Variants in SHLD1 observed in about 807,000 individuals in gnomAD.
SHLD1 encodes the protein RINN1-REV7-interacting novel NHEJ regulator 3.
In SHLD1, 3 loss-of-function variants were observed where a neutral mutation model predicts 5.5. That is an observed-to-expected ratio of 0.54 (90% CI 0.25 to 1.40). The LOEUF (loss-of-function observed/expected upper bound fraction) is 1.40. Among genes scored for constraint, SHLD1 ranks in the 40% most tolerant of loss-of-function variants. The pLI is 0.15. For synonymous variants in SHLD1, 92 were observed against 94.3 expected (o/e 0.98, Z 0.14); for missense variants, 210 against 244.4 (o/e 0.86, Z 0.94).
chr20:5,759,281 T>G (rs1283780856), intron 1 of SHLD1, among the ~76,000 whole-genome samples: 1 of 150,490 alleles, frequency 6.6e-6, no homozygotes, highest in Non-Finnish European at 1.5e-5. Flanking sequence ...ATTTTTTTTT[T>G]GAAAGTCTTG....
At chr20:5,826,906 TC>T (rs57312505) in intron 2 of SHLD1, among the ~76,000 whole-genome samples, 5 of 149,048 alleles carry the variant, frequency 3.4e-5, no homozygotes, top group Non-Finnish European at 7.4e-5. Flanking sequence ...CTCCCTCATA[TC>T]CCCCCCTTCA....
intron 2 of SHLD1, among the ~76,000 whole-genome samples, chr20:5,826,763 T>C (rs2087670301): frequency 1.3e-5 from 2 of 152,222 alleles, no homozygotes; most frequent in Non-Finnish European, 2.9e-5. Flanking sequence ...CTCAGTTTCC[T>C]CATCTGTTAA....
chr20:5,780,317 C>T (rs1234822086), intron 2 of SHLD1, among the ~76,000 whole-genome samples: 2 of 152,092 alleles, frequency 1.3e-5, no homozygotes, highest in African/African-American at 4.8e-5. Flanking sequence ...TTATCAAATT[C>T]TTCAGTCAAA....
intron 2 of SHLD1, among the ~76,000 whole-genome samples, chr20:5,831,560 C>G (rs1451300719): frequency 6.6e-6 from 1 of 152,060 alleles, no homozygotes; most frequent in African/African-American, 2.4e-5. Flanking sequence ...TGGTGACTGG[C>G]CGGCAAACAT....
At chr20:5,809,525 A>G (rs1242323082) in intron 2 of SHLD1, among the ~76,000 whole-genome samples, 2 of 152,072 alleles carry the variant, frequency 1.3e-5, no homozygotes, top group African/African-American at 4.8e-5. Flanking sequence ...ACCAAAAACA[A>G]CCAATACAGT....
At chr20:5,828,248 T>C (rs1241715777) in intron 2 of SHLD1, among the ~76,000 whole-genome samples, 2 of 152,208 alleles carry the variant, frequency 1.3e-5, no homozygotes, top group African/African-American at 4.8e-5. Context: ...CCTCCTCTTC[T>C]AGATCTTTAA....
intron 1 of SHLD1, among the ~76,000 whole-genome samples, chr20:5,764,504 G>A (rs1184770022): frequency 7.1e-6 from 1 of 141,642 alleles, no homozygotes; most frequent in Non-Finnish European, 1.5e-5. Flanking sequence ...GACCAGCCTG[G>A]GCAATATAGT....
intron 2 of SHLD1, among the ~76,000 whole-genome samples, chr20:5,803,426 C>A (rs1167896922): frequency 6.6e-6 from 1 of 152,160 alleles, no homozygotes; most frequent in Non-Finnish European, 1.5e-5. Flanking sequence ...GTCTCAGCCT[C>A]CCAAAGCATT....
chr20:5,858,318 C>T (rs972548156), intron 2 of SHLD1, among the ~76,000 whole-genome samples: 3 of 152,050 alleles, frequency 2.0e-5, no homozygotes, highest in Non-Finnish European at 4.4e-5. Context: ...AAATGTTTCA[C>T]GGAGATGAAA....
intron 1 of SHLD1, among the ~76,000 whole-genome samples, chr20:5,768,493 G>A (rs1224768240): frequency 1.3e-5 from 2 of 152,244 alleles, no homozygotes; most frequent in Non-Finnish European, 2.9e-5. Context: ...CAAACTAGGA[G>A]GGAAGGGTCT....
intron 1 of SHLD1, among the ~76,000 whole-genome samples, chr20:5,764,666 T>C (rs1407628469): frequency 6.6e-6 from 1 of 151,914 alleles, no homozygotes; most frequent in Non-Finnish European, 1.5e-5. Context: ...ACCACTGCAC[T>C]CCAGCCTGGG....
At chr20:5,830,736 C>T (rs183322212) in intron 2 of SHLD1, among the ~76,000 whole-genome samples, 1 of 149,306 alleles carries the variant, frequency 6.7e-6, no homozygotes, top group African/African-American at 2.5e-5. Context: ...GGTGGTAAGT[C>T]TTAGAAGGTA....
chr20:5,794,266 G>T (rs1412914723), intron 2 of SHLD1, among the ~76,000 whole-genome samples: 8 of 152,194 alleles, frequency 5.3e-5, no homozygotes, highest in Non-Finnish European at 1.0e-4. Context: ...GACACCTGGA[G>T]CTGAGTAGAC....
chr20:5,807,090 C>T (rs1423874759), intron 2 of SHLD1, among the ~76,000 whole-genome samples: 2 of 152,202 alleles, frequency 1.3e-5, no homozygotes, highest in East Asian at 3.9e-4. Flanking sequence ...GTGGCCTTTG[C>T]CTGGTACGCC....
Position 5,801,412 on chromosome 20 carries a change from G to A in SHLD1, c.178+28369G>A, listed in dbSNP as rs191005873. Among the ~76,000 whole-genome samples the A allele has an allele frequency of 2.3e-4, 35 of 152,232 alleles. 1 individual carries two copies. In the East Asian group the frequency reaches 3.7e-3, roughly 16 times the overall value. The stretch of plus-strand genomic sequence containing the variant: ...TTGAATGTTGCTATTGCCTTACAGA[G>A]GCAAAAAGAGAACTCCGAAGGGCTT... On this transcript the variant is annotated intron_variant, in intron 2 of 2. Coordinates refer to ENST00000303142, the MANE Select transcript of SHLD1 (RefSeq NM_152504.4).
intron 2 of SHLD1, among the ~76,000 whole-genome samples, chr20:5,796,538 G>T (rs1041400645): frequency 2.0e-5 from 3 of 151,920 alleles, no homozygotes; most frequent in Non-Finnish European, 2.9e-5. Flanking sequence ...AGAAAGGGGG[G>T]AGATGAGGCC....
chr20:5,851,919 G>A (rs1182072525), intron 2 of SHLD1, among the ~76,000 whole-genome samples: 1 of 151,796 alleles, frequency 6.6e-6, no homozygotes, highest in East Asian at 1.9e-4. Context: ...TGGGCCATGA[G>A]GGTGGATCCC....
intron 2 of SHLD1, among the ~76,000 whole-genome samples, chr20:5,791,088 A>G (rs1382860456): frequency 1.3e-5 from 2 of 152,044 alleles, no homozygotes; most frequent in African/African-American, 4.8e-5. Flanking sequence ...GCCTGATCCC[A>G]GGAGTTCAAA....
At chr20:5,794,472 A>G (rs987897076) in intron 2 of SHLD1, among the ~76,000 whole-genome samples, 11 of 152,256 alleles carry the variant, frequency 7.2e-5, no homozygotes, top group African/African-American at 1.4e-4. Flanking sequence ...TCGGATTAAC[A>G]CTGACCAAAA....
Sources: gnomAD v4.1 joint callset for allele counts (sites outside exome capture counted in the v4.1 genomes callset) on GRCh38, gnomAD v4.1.1 for gene constraint, MANE v1.5 for transcripts, NCBI Gene and HGNC (gene_info 2026-07-23, HGNC 2026-07-21) for gene names.